The following RHBDD1 variants were observed in gnomAD, a reference collection of about 807,000 sequenced individuals.
The protein encoded by RHBDD1 is rhomboid-related protein 4.
A neutral mutation model predicts 36.3 loss-of-function variants in RHBDD1; 38 were observed. The ratio of observed to expected loss-of-function variants is 1.05; its 90% CI spans 0.81 to 1.37. The LOEUF (loss-of-function observed/expected upper bound fraction) is 1.37. Ranked by LOEUF, RHBDD1 falls within the 40% of genes most tolerant of loss-of-function variation. The pLI is 0.00. For missense variants in RHBDD1, 393 were observed against 377.6 expected, an observed-to-expected ratio of 1.04 and a Z score of -0.34; for synonymous variants, 151 against 136.5, an observed-to-expected ratio of 1.11 and a Z score of -0.74.
intron 8 of RHBDD1, among the ~76,000 whole-genome samples, chr2:226,946,402 A>G (rs4627559): frequency 0.46 from 69,894 of 151,840 alleles, 16,285 homozygotes; most frequent in African/African-American, 0.53. Flanking sequence ...CCATTGGTCT[A>G]TATATCTGTT....
chr2:226,817,605 A>G, the RHBDD1 span, among the ~76,000 whole-genome samples: 1 of 152,236 alleles, frequency 6.6e-6, no homozygotes, highest in Non-Finnish European at 1.5e-5. Context: ...TGAATCACCC[A>G]ACCAAGCAGG....
chr2:226,871,287 C>T (rs1213652210), intron 5 of RHBDD1, among the ~76,000 whole-genome samples: 2 of 152,030 alleles, frequency 1.3e-5, no homozygotes. Flanking sequence ...TGTTGATGCA[C>T]CATTTGACAG....
chr2:226,914,302 T>C lies in RHBDD1; in HGVS notation c.807T>C (p.Ser269=), dbSNP rs1553564669. 6.2e-7 allele frequency: 1 copy of C among 1,613,666 alleles called. No homozygotes were observed. Among genetic ancestry groups the C allele is most frequent in the Non-Finnish European group, 8.5e-7 (1 of 1,179,784 alleles). Residue 269 remains serine (S), a synonymous_variant, in exon 8 of 9, where the codon AGT becomes AGC. Transcript: ENST00000392062. ...ATGACACGTACACAGCAGGACTGAG[T>C]GAAGAAGAACAGCTCGAGAGAGCAT... The part of the protein sequence containing the change: ...RNYDTYTAGL[S]EEEQLERALQ...
At chr2:226,825,293 C>T in the RHBDD1 span, among the ~76,000 whole-genome samples, 4 of 151,570 alleles carry the variant, frequency 2.6e-5, no homozygotes, top group African/African-American at 4.9e-5. Context: ...GCAGAAGTGG[C>T]GGTTGCAGAT....
chr2:226,806,850 T>TCTGAATTCAAAAACAGA, the RHBDD1 span, among the ~76,000 whole-genome samples: 3 of 152,252 alleles, frequency 2.0e-5, no homozygotes, highest in Non-Finnish European at 1.5e-5. Flanking sequence ...TATGAATATT[T>TCTGAATTCAAAAACAGA]CTGAATTCAA....
the RHBDD1 span, among the ~76,000 whole-genome samples, chr2:226,814,787 C>G: frequency 6.6e-6 from 1 of 152,208 alleles, no homozygotes; most frequent in Non-Finnish European, 1.5e-5. Context: ...CTCCCCGTCT[C>G]CTTCCCTGAA....
chr2:226,949,238 C>G (rs563729612), intron 8 of RHBDD1, among the ~76,000 whole-genome samples: 1 of 152,314 alleles, frequency 6.6e-6, no homozygotes, highest in African/African-American at 2.4e-5. Flanking sequence ...TCCCATCAAG[C>G]TACCATTGAC....
chr2:226,837,721 G>C (rs1941132277), intron 1 of RHBDD1: 1 of 152,214 alleles, frequency 6.6e-6, no homozygotes, highest in Non-Finnish European at 1.5e-5. Context: ...ATTTTTAGTA[G>C]AGACGGTTTC....
In RHBDD1 at chr2:226,867,502, A is replaced by G. The variant is rs535941900; in HGVS notation, c.566+184A>G. 16 of 849,350 alleles carry G rather than the reference A, an allele frequency of 1.9e-5. No homozygotes were observed. The African/African-American group carries it at 2.8e-4, about 15-fold the overall frequency. The allele number at this position is 849,350 out of a possible 1,614,324, so 52.6% of individuals were successfully genotyped here. Reference sequence around the variant, plus strand: ...CTGGGTTTGAATCTTTTCAACTATTAAGCTGTATAATTTTGGGTCACTTGT... The same window carrying G: ...CTGGGTTTGAATCTTTTCAACTATTGAGCTGTATAATTTTGGGTCACTTGT... On this transcript the variant is annotated intron_variant, in intron 5 of 8. Coordinates refer to ENST00000392062, the MANE Select transcript of RHBDD1 (RefSeq NM_001167608.3).
chr2:226,890,258 G>A (rs1185236004), intron 5 of RHBDD1, among the ~76,000 whole-genome samples: 1 of 152,200 alleles, frequency 6.6e-6, no homozygotes, highest in Non-Finnish European at 1.5e-5. Flanking sequence ...AAAACAGTGA[G>A]ATGTTTGAGT....
intron 8 of RHBDD1, among the ~76,000 whole-genome samples, chr2:226,961,030 A>C (rs368611704): frequency 1.3e-5 from 2 of 152,176 alleles, no homozygotes; most frequent in East Asian, 3.8e-4. Context: ...TTTTAAATAT[A>C]TGTAAAGCGT....
the RHBDD1 span, among the ~76,000 whole-genome samples, chr2:226,800,667 T>A: frequency 6.6e-6 from 1 of 152,190 alleles, no homozygotes; most frequent in Non-Finnish European, 1.5e-5. Context: ...AGTCTATCCG[T>A]GACTTTAAAA....
At chr2:226,878,923 G>A (rs1348561400) in intron 5 of RHBDD1, among the ~76,000 whole-genome samples, 1 of 152,022 alleles carries the variant, frequency 6.6e-6, no homozygotes, top group Admixed American at 6.6e-5. Flanking sequence ...AGAGTCTTGG[G>A]GACAGATCCA....
intron 8 of RHBDD1, among the ~76,000 whole-genome samples, chr2:226,975,286 A>AACAC (rs373568209): frequency 6.6e-5 from 10 of 151,792 alleles, no homozygotes; most frequent in African/African-American, 1.9e-4. Context: ...TACACACACA[A>AACAC]ACACACACAC....
At chr2:226,910,686 C>G (rs1203036124) in intron 7 of RHBDD1, among the ~76,000 whole-genome samples, 1 of 151,652 alleles carries the variant, frequency 6.6e-6, no homozygotes, top group Non-Finnish European at 1.5e-5. Flanking sequence ...AAAAATTAAA[C>G]TAGTATTCCT....
At chr2:226,914,111 T>A in intron 7 of RHBDD1, 97 bp from the exon 8 acceptor site, 1 of 1,040,274 alleles carries the variant, frequency 9.6e-7, no homozygotes, top group Non-Finnish European at 1.4e-6. Flanking sequence ...CCTAAAATAA[T>A]GTTATGCCTT....
At chr2:226,988,321 A>G (rs1957452357) in intron 8 of RHBDD1, 2 of 1,548,152 alleles carry the variant, frequency 1.3e-6, no homozygotes, top group Admixed American at 2.0e-5. Context: ...GCCCCACCTG[A>G]ACATCTGCAG....
chr2:226,888,049 C>T (rs1335613624), intron 5 of RHBDD1, among the ~76,000 whole-genome samples: 1 of 152,206 alleles, frequency 6.6e-6, no homozygotes, highest in African/African-American at 2.4e-5. Context: ...CCCTTTTCTT[C>T]CCTACTATGA....
upstream of RHBDD1, among the ~76,000 whole-genome samples, chr2:226,831,060 A>G (rs892290642): frequency 2.6e-5 from 4 of 152,196 alleles, no homozygotes; most frequent in African/African-American, 9.6e-5. Flanking sequence ...TTCATTGGGA[A>G]TTTTTGTACA....
Sources: gnomAD v4.1 joint callset for allele counts (sites outside exome capture counted in the v4.1 genomes callset) on GRCh38, gnomAD v4.1.1 for gene constraint, MANE v1.5 for transcripts, NCBI Gene and HGNC (gene_info 2026-07-23, HGNC 2026-07-21) for gene names.